The following GALNTL6 variants were observed in gnomAD, a reference collection of about 807,000 sequenced individuals.
The protein encoded by GALNTL6 is polypeptide N-acetylgalactosaminyltransferase-like 6.
A neutral mutation model predicts 73.7 loss-of-function variants in GALNTL6; 46 were observed. That is an observed-to-expected ratio of 0.62 (90% confidence interval 0.49 to 0.80). The LOEUF (loss-of-function observed/expected upper bound fraction) is 0.80. Among genes scored for constraint, GALNTL6 ranks in the 30% least tolerant of loss-of-function variants. The pLI is 0.00. For synonymous variants in GALNTL6, 259 were observed against 263.7 expected, an observed-to-expected ratio of 0.98 and a Z score of 0.17; for missense variants, 604 against 755.0, an observed-to-expected ratio of 0.80 and a Z score of 2.34.
intron 5 of GALNTL6, among the ~76,000 whole-genome samples, chr4:172,631,054 C>G (rs1739374243): frequency 6.6e-6 from 1 of 151,472 alleles, no homozygotes; most frequent in African/African-American, 2.4e-5. Flanking sequence ...GAAACATCAA[C>G]CAATGAAAAA....
At chr4:171,937,745 C>T (rs953096660) in intron 2 of GALNTL6, among the ~76,000 whole-genome samples, 1 of 152,008 alleles carries the variant, frequency 6.6e-6, no homozygotes, top group African/African-American at 2.4e-5. Context: ...GTTACATAGG[C>T]AAATGAAAAG....
At chr4:171,870,521 A>G (rs1350139350) in intron 2 of GALNTL6, among the ~76,000 whole-genome samples, 2 of 151,504 alleles carry the variant, frequency 1.3e-5, no homozygotes, top group African/African-American at 4.9e-5. Context: ...CCATTGATAT[A>G]AATATCAAAA....
chr4:172,877,050 C>A (rs1266758702), intron 7 of GALNTL6, among the ~76,000 whole-genome samples: 1 of 152,038 alleles, frequency 6.6e-6, no homozygotes, highest in African/African-American at 2.4e-5. Flanking sequence ...CTCACTGTGG[C>A]CATTGAAATG....
intron 5 of GALNTL6, among the ~76,000 whole-genome samples, chr4:172,588,037 C>A (rs76185813): frequency 0.029 from 4,451 of 152,162 alleles, 112 homozygotes; most frequent in South Asian, 0.086. Flanking sequence ...AACAGACCAA[C>A]TAAGGAACTG....
At chr4:172,327,833 C>A (rs1036851644) in intron 4 of GALNTL6, among the ~76,000 whole-genome samples, 1 of 151,850 alleles carries the variant, frequency 6.6e-6, no homozygotes, top group Non-Finnish European at 1.5e-5. Context: ...ATCTGGCTTG[C>A]TTTTTTTATA....
At chr4:171,824,030 T>C (rs1362940503) in intron 2 of GALNTL6, among the ~76,000 whole-genome samples, 1 of 148,510 alleles carries the variant, frequency 6.7e-6, no homozygotes, top group African/African-American at 2.5e-5. Flanking sequence ...CTAACATTTC[T>C]CTGACACTGT....
intron 5 of GALNTL6, among the ~76,000 whole-genome samples, chr4:172,623,048 C>T (rs1739026610): frequency 6.6e-6 from 1 of 151,914 alleles, no homozygotes; most frequent in African/African-American, 2.4e-5. Flanking sequence ...TAGGCTGCAA[C>T]ATAATTAAAA....
At chr4:172,253,199 A>T (rs1288467293) in intron 3 of GALNTL6, among the ~76,000 whole-genome samples, 1 of 151,994 alleles carries the variant, frequency 6.6e-6, no homozygotes, top group Non-Finnish European at 1.5e-5. Flanking sequence ...AACAATGTAA[A>T]CCCGTCGGAT....
chr4:171,907,626 T>G (rs1374150485), intron 2 of GALNTL6, among the ~76,000 whole-genome samples: 1 of 151,108 alleles, frequency 6.6e-6, no homozygotes, highest in Non-Finnish European at 1.5e-5. Flanking sequence ...ACTTTCTTCA[T>G]AGAATTGGAA....
intron 5 of GALNTL6, among the ~76,000 whole-genome samples, chr4:172,623,935 G>A (rs1026941305): frequency 5.3e-5 from 8 of 152,030 alleles, no homozygotes; most frequent in Admixed American, 1.3e-4. Context: ...TATTTTGCAT[G>A]CATTTTACTT....
At chr4:172,621,459 AC>A (rs796222684) in intron 5 of GALNTL6, among the ~76,000 whole-genome samples, 9 of 152,286 alleles carry the variant, frequency 5.9e-5, no homozygotes, top group African/African-American at 2.2e-4. Context: ...TTGGGGAATT[AC>A]TTTCCAGGGT....
chr4:172,361,160 A>G (rs763351494), intron 5 of GALNTL6, among the ~76,000 whole-genome samples: 2 of 152,152 alleles, frequency 1.3e-5, no homozygotes, highest in Non-Finnish European at 2.9e-5. Context: ...GTTTTTGCCA[A>G]TTTCAGAATT....
intron 2 of GALNTL6, among the ~76,000 whole-genome samples, chr4:172,116,564 C>T (rs1732990439): frequency 6.6e-6 from 1 of 152,122 alleles, no homozygotes; most frequent in East Asian, 1.9e-4. Context: ...GCTACTGCCC[C>T]AGGCTAAGAT....
chr4:172,606,662 ACT>A (rs1491472213), intron 5 of GALNTL6, among the ~76,000 whole-genome samples: 1 of 45,146 alleles, frequency 2.2e-5, no homozygotes, highest in East Asian at 2.0e-3. Flanking sequence ...GTATATATAT[ACT>A]ATATATATAT....
chr4:172,349,645 T>C (rs1027682492), intron 5 of GALNTL6, among the ~76,000 whole-genome samples: 3 of 152,026 alleles, frequency 2.0e-5, no homozygotes, highest in Non-Finnish European at 4.4e-5. Flanking sequence ...TACTGGTCTT[T>C]ATACACTTCT....
At chr4:172,481,816 C>T (rs964299348) in intron 5 of GALNTL6, among the ~76,000 whole-genome samples, 3 of 152,236 alleles carry the variant, frequency 2.0e-5, no homozygotes, top group Non-Finnish European at 4.4e-5. Flanking sequence ...AGGAGCCCAG[C>T]TGGCTCTGAC....
intron 2 of GALNTL6, among the ~76,000 whole-genome samples, chr4:171,962,980 A>C (rs370748005): frequency 3.3e-5 from 5 of 151,266 alleles, no homozygotes; most frequent in Non-Finnish European, 4.4e-5. Flanking sequence ...GTTGGCCAGG[A>C]TGGTCTCAAT....
intron 3 of GALNTL6, among the ~76,000 whole-genome samples, chr4:172,258,249 C>G (rs1738149008): frequency 6.6e-6 from 1 of 151,194 alleles, no homozygotes; most frequent in Admixed American, 6.6e-5. Context: ...AATGTGTCTT[C>G]CCTTTATATT....
In GALNTL6 at chr4:172,052,550, A is replaced by G; in HGVS notation, c.139-177106A>G. The G allele has an allele frequency of 2.0e-6, 3 of 1,515,332 alleles. No individual in the cohort carries two copies. The Middle Eastern group carries it at 5.1e-4, about 257-fold the overall frequency. 93.9% of individuals were successfully genotyped at this position (1,515,332 alleles called of 1,614,324 possible). On this transcript the variant is annotated intron_variant, in intron 2 of 12. Coordinates refer to ENST00000506823, the MANE Select transcript of GALNTL6 (RefSeq NM_001034845.3). ...TTACCAGGTAACCGGTAAAAAGCAA[A>G]CGGCTGCAGTGCAGACCAAGACAAG...
Sources: allele counts gnomAD v4.1 joint callset (sites outside exome capture counted in the v4.1 genomes callset), GRCh38; gene constraint gnomAD v4.1.1; transcripts MANE v1.5; gene names NCBI Gene and HGNC (gene_info 2026-07-23, HGNC 2026-07-21).